ARMC9: variants seen among roughly 807,000 people sequenced by gnomAD.
ARMC9 encodes lisH domain-containing protein ARMC9.
A neutral mutation model predicts 107.0 loss-of-function variants in ARMC9; 94 were observed. That is an observed-to-expected ratio of 0.88 (90% CI 0.74 to 1.04). The LOEUF (loss-of-function observed/expected upper bound fraction) is 1.04, where lower values mean the gene tolerates loss of function less well. Ranked by LOEUF, ARMC9 falls within the 50% of genes least tolerant of loss-of-function variation. The pLI is 0.00. For synonymous variants in ARMC9, 380 were observed against 396.9 expected (o/e 0.96, Z 0.51); for missense variants, 942 against 1,030.1 (o/e 0.91, Z 1.17).
At chr2:231,253,053 A>G in intron 9 of ARMC9, among the ~76,000 whole-genome samples, 1 of 152,108 alleles carries the variant, frequency 6.6e-6, no homozygotes. Flanking sequence ...AAGTATAAAA[A>G]CATACATGCA....
chr2:231,370,823 C>T (rs2045988802), intron 24 of ARMC9: 5 of 271,400 alleles, frequency 1.8e-5, no homozygotes, highest in South Asian at 1.6e-4. Context: ...TTTACCAAAA[C>T]ACAGGGAAAA....
intron 21 of ARMC9, 56 bp downstream of exon 21, chr2:231,345,146 C>T (rs1318590695): frequency 6.3e-7 from 1 of 1,598,708 alleles, no homozygotes; most frequent in East Asian, 2.2e-5. Flanking sequence ...GTTTTGATTA[C>T]AGTGTAAGAT....
At chr2:231,282,431 T>C (rs1231788053) in intron 17 of ARMC9, among the ~76,000 whole-genome samples, 1 of 152,230 alleles carries the variant, frequency 6.6e-6, no homozygotes, top group Non-Finnish European at 1.5e-5. Context: ...TGGAAAAGAT[T>C]ATAAAACTGT....
intron 12 of ARMC9, among the ~76,000 whole-genome samples, chr2:231,264,584 A>G (rs1406844936): frequency 2.0e-5 from 3 of 150,904 alleles, no homozygotes; most frequent in Non-Finnish European, 4.4e-5. Context: ...TGCGACCTCC[A>G]CCTCCTGGGT....
At chr2:231,217,131 A>G (rs113420003) in intron 5 of ARMC9, among the ~76,000 whole-genome samples, 24 of 152,340 alleles carry the variant, frequency 1.6e-4, no homozygotes, top group Non-Finnish European at 2.2e-4. Context: ...ATATTCACAC[A>G]ATGGAATATT....
At chr2:231,305,180 T>C (rs146082508) in intron 19 of ARMC9, among the ~76,000 whole-genome samples, 7 of 152,360 alleles carry the variant, frequency 4.6e-5, no homozygotes, top group African/African-American at 1.7e-4. Context: ...TCTATCTACC[T>C]GTCATCTATC....
At chr2:231,327,341 C>T (rs1271155452) in intron 19 of ARMC9, among the ~76,000 whole-genome samples, 1 of 152,204 alleles carries the variant, frequency 6.6e-6, no homozygotes, top group African/African-American at 2.4e-5. Context: ...TTTACAGCCA[C>T]CGCCATTTCC....
intron 21 of ARMC9, among the ~76,000 whole-genome samples, chr2:231,352,512 C>T (rs1011436573): frequency 6.6e-5 from 10 of 151,284 alleles, no homozygotes; most frequent in South Asian, 2.1e-4. Flanking sequence ...TTAGTAGAGA[C>T]GGGTTTTCAC....
intron 19 of ARMC9, among the ~76,000 whole-genome samples, chr2:231,323,546 T>A (rs1199813992): frequency 6.6e-6 from 1 of 152,082 alleles, no homozygotes; most frequent in African/African-American, 2.4e-5. Context: ...GCTTCCGCTC[T>A]CTCCCCTCCC....
chr2:231,209,523 T>C (rs375115869), intron 3 of ARMC9, among the ~76,000 whole-genome samples: 5 of 152,272 alleles, frequency 3.3e-5, no homozygotes, highest in African/African-American at 1.2e-4. Flanking sequence ...TGTTTCACAT[T>C]TGGATGATTT....
chr2:231,346,885 A>G (rs180875523), intron 21 of ARMC9, among the ~76,000 whole-genome samples: 3 of 152,352 alleles, frequency 2.0e-5, no homozygotes, highest in Admixed American at 1.3e-4. Context: ...AGCAACAGGA[A>G]CTAATAAAAT....
chr2:231,211,111 A>G (rs2032783274), intron 3 of ARMC9, among the ~76,000 whole-genome samples: 1 of 151,102 alleles, frequency 6.6e-6, no homozygotes, highest in South Asian at 2.1e-4. Flanking sequence ...CTGAATAATA[A>G]TCTGTGATAT....
chr2:231,255,587 C>T lies in ARMC9; in HGVS notation c.880-999C>T, dbSNP rs1409030261. Among the ~76,000 whole-genome samples, 1 of 151,900 alleles carries T rather than the reference C, an allele frequency of 6.6e-6. No homozygotes were observed. The highest frequency in any genetic ancestry group is 1.5e-5 in the Non-Finnish European group (1 of 67,990). On this transcript the variant is annotated intron_variant, in intron 9 of 24. Transcript: ENST00000611582. This position sits in a 1 kb window ranked among gnomAD's most constrained non-coding sequence, Gnocchi z 4.7. ...ATAAAGGAATCAAAGAATGGTTACTCCGTAGGCAGAGCAGCCTCTAGAGTT... is the reference window on the plus strand; with the variant it reads ...ATAAAGGAATCAAAGAATGGTTACTTCGTAGGCAGAGCAGCCTCTAGAGTT...
chr2:231,252,811 T>C (rs545202747), intron 9 of ARMC9, among the ~76,000 whole-genome samples: 1 of 151,282 alleles, frequency 6.6e-6, no homozygotes, highest in East Asian at 1.9e-4. Context: ...TAATTTTTTT[T>C]TTTTTTTTTG....
At chr2:231,332,511 TG>T (rs1381479607) in intron 20 of ARMC9, among the ~76,000 whole-genome samples, 1 of 152,126 alleles carries the variant, frequency 6.6e-6, no homozygotes, top group Non-Finnish European at 1.5e-5. Flanking sequence ...AAGAGGCCTG[TG>T]GAGTCACCAT....
Position 231,360,464 on chromosome 2 carries a change from G to C in ARMC9, c.2132-290G>C, listed in dbSNP as rs2045523307. On this transcript the variant is annotated intron_variant, in intron 22 of 24. Coordinates refer to ENST00000611582, the MANE Select transcript of ARMC9 (RefSeq NM_001352754.2). The surrounding 1 kb of genome is among the most constrained non-coding windows in gnomAD (Gnocchi z 4.7). Reference sequence around the variant, plus strand: ...GCCCAGGGAGACAATTTGTTGTTCTGAGGGCTTTCCAGAGGCTGAGGGGTG... The same window carrying C: ...GCCCAGGGAGACAATTTGTTGTTCTCAGGGCTTTCCAGAGGCTGAGGGGTG... Among the ~76,000 whole-genome samples, 1 of 152,230 alleles carries C rather than the reference G, an allele frequency of 6.6e-6. No homozygotes were observed. Among genetic ancestry groups the C allele is most frequent in the Non-Finnish European group, 1.5e-5 (1 of 68,032 alleles).
At chr2:231,242,169 A>G (rs1162720034) in intron 9 of ARMC9, among the ~76,000 whole-genome samples, 1 of 150,422 alleles carries the variant, frequency 6.6e-6, no homozygotes, top group Non-Finnish European at 1.5e-5. Flanking sequence ...TTTTTTTTAA[A>G]CTGGATGGTC....
In ARMC9 at chr2:231,282,073, G is replaced by A; in HGVS notation, c.1566G>A (p.Val522=). ...TCCCCTTAAAGATACAGCCGTATGT[G>A]AATGGAGCTCTGTACAGCATCCTTT... The part of the protein sequence containing the change: ...GHENHEIQPY[V]NGALYSILSV... The change falls in exon 17 of 25, where the codon GTG becomes GTA. Residue 522 remains valine, a synonymous_variant. Coordinates refer to ENST00000611582, the MANE Select transcript of ARMC9 (RefSeq NM_001352754.2). The A allele has an allele frequency of 6.2e-7, 1 of 1,614,118 alleles. No homozygotes were observed. The highest frequency in any genetic ancestry group is 8.5e-7 in the Non-Finnish European group (1 of 1,179,978).
At chr2:231,234,565 A>T (rs2035538308) in intron 7 of ARMC9, among the ~76,000 whole-genome samples, 1 of 152,166 alleles carries the variant, frequency 6.6e-6, no homozygotes, top group Non-Finnish European at 1.5e-5. Flanking sequence ...CACAGGTTTG[A>T]TTCAGGCATT....
Sources: gnomAD v4.1 joint callset for allele counts (sites outside exome capture counted in the v4.1 genomes callset) on GRCh38, gnomAD v4.1.1 for gene constraint, Gnocchi (gnomAD v3.1) non-coding constraint, MANE v1.5 for transcripts, NCBI Gene and HGNC (gene_info 2026-07-23, HGNC 2026-07-21) for gene names.